PPFIA2: variants seen among roughly 807,000 people sequenced by gnomAD.
PPFIA2 encodes liprin-alpha-2.
PPFIA2 carries 46 observed loss-of-function variants against 175.5 expected under a neutral mutation model. The ratio of observed to expected loss-of-function variants is 0.26; its 90% CI spans 0.21 to 0.34. The LOEUF (loss-of-function observed/expected upper bound fraction) is 0.34. Ranked by LOEUF, PPFIA2 falls within the 10% of genes least tolerant of loss-of-function variation. The pLI, the probability that PPFIA2 is intolerant of heterozygous loss-of-function variation, is 1.00. For synonymous variants in PPFIA2, 568 were observed against 511.4 expected (o/e 1.11, Z -1.49); for missense variants, 1,179 against 1,506.1 (o/e 0.78, Z 3.60).
chr12:81,435,517 G>A (rs138137774), intron 7 of PPFIA2, among the ~76,000 whole-genome samples: 7 of 152,122 alleles, frequency 4.6e-5, no homozygotes, highest in African/African-American at 1.7e-4. Context: ...ATATTAGGAG[G>A]TGATAACTCC....
chr12:81,599,568 T>C (rs1280744282), intron 4 of PPFIA2, among the ~76,000 whole-genome samples: 2 of 152,046 alleles, frequency 1.3e-5, no homozygotes, highest in African/African-American at 4.8e-5. Context: ...CTGTATGTCC[T>C]TCATTCAGTT....
chr12:81,637,393 C>T (rs1022531186), intron 4 of PPFIA2, among the ~76,000 whole-genome samples: 30 of 151,526 alleles, frequency 2.0e-4, no homozygotes, highest in African/African-American at 6.1e-4. Flanking sequence ...CATGAGCCAC[C>T]GTGCCCAGCC....
intron 5 of PPFIA2, among the ~76,000 whole-genome samples, chr12:81,450,780 T>G (rs2052414860): frequency 1.3e-5 from 2 of 152,176 alleles, no homozygotes; most frequent in Admixed American, 6.5e-5. Flanking sequence ...GGTCTAACAT[T>G]TAAGTCTTTA....
At chr12:81,585,019 TAATATATTAATTATATTTATATATAA>T (rs1449141151) in intron 4 of PPFIA2, among the ~76,000 whole-genome samples, 1,819 of 98,754 alleles carry the variant, frequency 0.018, 35 homozygotes, top group South Asian at 0.065. Context: ...TATTTATATA[TAATATATTAATTATATTTATATATAA>T]TATATTATAT....
chr12:81,318,458 T>A (rs2052913252), intron 22 of PPFIA2, among the ~76,000 whole-genome samples: 1 of 151,768 alleles, frequency 6.6e-6, no homozygotes, highest in African/African-American at 2.4e-5. Flanking sequence ...AATCAGTAAG[T>A]ATAGTCCTAA....
chr12:81,537,632 A>G (rs1167640217), intron 4 of PPFIA2, among the ~76,000 whole-genome samples: 1 of 151,806 alleles, frequency 6.6e-6, no homozygotes, highest in African/African-American at 2.4e-5. Context: ...TTCTCTACAG[A>G]CCACGTATTC....
chr12:81,618,082 C>A lies in PPFIA2; in HGVS notation c.303+58709G>T, dbSNP rs554606514. On this transcript the variant is annotated intron_variant, in intron 4 of 32. Transcript: ENST00000549396. ...TTGCCTTGCTTTCTCTCCAGTCCAC[C>A]CAATGGTTCCCTCCACCAGTTAAGT... is the stretch of plus-strand genomic sequence containing the variant. Among the ~76,000 whole-genome samples, 11 of 152,156 alleles carry A rather than the reference C, an allele frequency of 7.2e-5. No homozygotes were observed. The South Asian group carries it at 2.3e-3, about 32-fold the overall frequency.
At chr12:81,635,501 A>G (rs577138104) in intron 4 of PPFIA2, among the ~76,000 whole-genome samples, 1 of 152,338 alleles carries the variant, frequency 6.6e-6, no homozygotes, top group African/African-American at 2.4e-5. Context: ...TGTAGCCTCA[A>G]CCAGGAAATC....
chr12:81,657,450 G>T (rs974308648), intron 4 of PPFIA2, among the ~76,000 whole-genome samples: 3 of 152,102 alleles, frequency 2.0e-5, no homozygotes, highest in African/African-American at 7.2e-5. Context: ...GGGCTATCCT[G>T]GAGATTGGCC....
At position 81,516,385 on chromosome 12, in the gene PPFIA2, ATAAAATTTC is replaced by A. The variant is rs1567154225; in HGVS notation, c.304-58528_304-58520del. ...TTCCAATTATAATTTGATATATAAA[ATAAAATTTC>A]ACTTTGTTGTTATGGGTTGAGTTGT... On this transcript the variant is annotated intron_variant, in intron 4 of 32. Coordinates refer to ENST00000549396, the MANE Select transcript of PPFIA2 (RefSeq NM_003625.5). Among the ~76,000 whole-genome samples the A allele has an allele frequency of 3.3e-5, 5 of 152,292 alleles. No homozygotes were observed. The East Asian group carries it at 5.8e-4, about 18-fold the overall frequency.
At chr12:81,453,704 T>C (rs1430563757) in intron 5 of PPFIA2, among the ~76,000 whole-genome samples, 1 of 152,192 alleles carries the variant, frequency 6.6e-6, no homozygotes, top group Non-Finnish European at 1.5e-5. Context: ...TATTAGGATA[T>C]TCTTAATTTA....
chr12:81,307,029 C>G (rs995222988), intron 22 of PPFIA2, among the ~76,000 whole-genome samples: 8 of 152,164 alleles, frequency 5.3e-5, no homozygotes, highest in African/African-American at 1.9e-4. Flanking sequence ...ATTACCAATT[C>G]CACCTTTGCA....
At chr12:81,335,777 CAAA>C (rs71443404) in intron 21 of PPFIA2, among the ~76,000 whole-genome samples, 4 of 146,420 alleles carry the variant, frequency 2.7e-5, no homozygotes, top group African/African-American at 1.0e-4. Flanking sequence ...ACAACAACAA[CAAA>C]AAGACAATGA....
intron 22 of PPFIA2, among the ~76,000 whole-genome samples, chr12:81,308,322 G>GT (rs2049859429): frequency 6.6e-6 from 1 of 152,122 alleles, no homozygotes; most frequent in Non-Finnish European, 1.5e-5. Context: ...TATCCTAAGT[G>GT]TTTTTATGTG....
At chr12:81,530,265 A>G (rs1287536608) in intron 4 of PPFIA2, among the ~76,000 whole-genome samples, 2 of 151,926 alleles carry the variant, frequency 1.3e-5, no homozygotes, top group Non-Finnish European at 2.9e-5. Context: ...GCTAACTACT[A>G]TTGGGTTAAG....
At chr12:81,658,257 A>G (rs1393760324) in intron 4 of PPFIA2, among the ~76,000 whole-genome samples, 1 of 149,994 alleles carries the variant, frequency 6.7e-6, no homozygotes, top group Non-Finnish European at 1.5e-5. Flanking sequence ...AACAAGAGCA[A>G]AACTCCATCT....
intron 4 of PPFIA2, among the ~76,000 whole-genome samples, chr12:81,468,851 TTATAA>T (rs1256439973): frequency 4.0e-5 from 6 of 151,432 alleles, no homozygotes; most frequent in Non-Finnish European, 1.5e-5. Context: ...GCACTTTGTG[TTATAA>T]TATGTTATAT....
intron 8 of PPFIA2, among the ~76,000 whole-genome samples, chr12:81,386,284 TAAA>T (rs2038921664): frequency 1.0e-5 from 1 of 97,962 alleles, no homozygotes; most frequent in Non-Finnish European, 1.8e-5. Flanking sequence ...TTTAAATAAA[TAAA>T]TAAATAAATA....
chr12:81,419,329 G>T (rs2045862972), intron 7 of PPFIA2, among the ~76,000 whole-genome samples: 1 of 151,806 alleles, frequency 6.6e-6, no homozygotes, highest in South Asian at 2.1e-4. Context: ...TGTTATTCAT[G>T]AAAAAAAGAA....
Sources: gnomAD v4.1 joint callset for allele counts (sites outside exome capture counted in the v4.1 genomes callset) on GRCh38, gnomAD v4.1.1 for gene constraint, MANE v1.5 for transcripts, NCBI Gene and HGNC (gene_info 2026-07-23, HGNC 2026-07-21) for gene names.